The following SKI variants were observed in gnomAD, a reference collection of about 807,000 sequenced individuals.
The protein encoded by SKI is SKI proto-oncogene.
A neutral mutation model predicts 59.3 loss-of-function variants in SKI; 23 were observed. That is an observed-to-expected ratio of 0.39 (90% CI 0.28 to 0.55). The LOEUF (loss-of-function observed/expected upper bound fraction) is 0.55, where lower values mean the gene tolerates loss of function less well. Among genes scored for constraint, SKI ranks in the 20% least tolerant of loss-of-function variants. SKI has a pLI of 0.67. For synonymous variants in SKI, 673 were observed against 488.6 expected, an observed-to-expected ratio of 1.38 and a Z score of -4.98; for missense variants, 1,017 against 1,038.9, an observed-to-expected ratio of 0.98 and a Z score of 0.29.
intron 1 of SKI, chr1:2,248,207 G>T (rs1639041038): frequency 6.6e-6 from 1 of 152,310 alleles, no homozygotes; most frequent in Admixed American, 6.5e-5. Flanking sequence ...GAGCTCCTAG[G>T]TTCTGCTTTG....
intron 1 of SKI, among the ~76,000 whole-genome samples, chr1:2,263,573 G>A (rs541205125): frequency 2.6e-5 from 4 of 151,968 alleles, no homozygotes; most frequent in Non-Finnish European, 5.9e-5. Context: ...GGATGTTGGT[G>A]TGTGTTTTTT....
At chr1:2,289,682 C>G (rs1640121386) in intron 1 of SKI, among the ~76,000 whole-genome samples, 3 of 152,096 alleles carry the variant, frequency 2.0e-5, no homozygotes, top group Admixed American at 2.0e-4. Flanking sequence ...CTCCCCTCCC[C>G]CGAGCCCACC....
chr1:2,274,568 T>G (rs1240475529), intron 1 of SKI, among the ~76,000 whole-genome samples: 1 of 152,260 alleles, frequency 6.6e-6, no homozygotes, highest in African/African-American at 2.4e-5. Context: ...TGTCCACTCC[T>G]GCCCCATGGC....
intron 1 of SKI, among the ~76,000 whole-genome samples, chr1:2,246,206 T>A (rs1638991347): frequency 6.6e-6 from 1 of 152,224 alleles, no homozygotes. Context: ...GCACTTGTTC[T>A]GTTTTTTGAC....
At chr1:2,242,457 C>A (rs1638900762) in intron 1 of SKI, among the ~76,000 whole-genome samples, 1 of 152,182 alleles carries the variant, frequency 6.6e-6, no homozygotes, top group African/African-American at 2.4e-5. Context: ...CCCCTTCTGG[C>A]CCCGCAGGGG....
At chr1:2,259,187 C>T (rs1006231347) in intron 1 of SKI, among the ~76,000 whole-genome samples, 7 of 152,300 alleles carry the variant, frequency 4.6e-5, no homozygotes, top group Middle Eastern at 3.4e-3. Context: ...ATGGCCACGC[C>T]CCACCGCCCT....
Position 2,309,310 on chromosome 1 carries a change from T to C in SKI, c.*2545T>C, listed in dbSNP as rs1640683862. On this transcript the variant is annotated 3_prime_UTR_variant, in exon 7 of 7. Transcript: ENST00000378536. Reference sequence around the variant, plus strand: ...TAAGTGATTGTGTATTCAGTTTAATTCTCATTATATTTCTATACTGAAAGA... The same window carrying C: ...TAAGTGATTGTGTATTCAGTTTAATCCTCATTATATTTCTATACTGAAAGA... 1 of 152,180 alleles carries C rather than the reference T, an allele frequency of 6.6e-6. No individual in the cohort carries two copies. Among genetic ancestry groups the C allele is most frequent in the South Asian group, 2.1e-4 (1 of 4,836 alleles). The allele number at this position is 152,180 out of a possible 1,614,324, so 9.4% of individuals were successfully genotyped here.
In SKI at chr1:2,303,704, C is replaced by A. The variant is rs988762945; in HGVS notation, c.1212-136C>A. Reference sequence around the variant, plus strand: ...AAAACGCTTACGGGTTCTTAGGGAACTGTAAGCTTGACTTGAAGATTCGGA... The same window carrying A: ...AAAACGCTTACGGGTTCTTAGGGAAATGTAAGCTTGACTTGAAGATTCGGA... On this transcript the variant is annotated intron_variant, in intron 3 of 6. Transcript: ENST00000378536. This position sits in a 1 kb window ranked among gnomAD's most constrained non-coding sequence, Gnocchi z 5.6. The A allele has an allele frequency of 1.8e-5, 23 of 1,248,616 alleles. No individual in the cohort carries two copies. In the African/African-American group the frequency reaches 2.7e-4, roughly 15 times the overall value. The allele number at this position is 1,248,616 out of a possible 1,614,324, so 77.3% of individuals were successfully genotyped here. A position where few individuals can be genotyped will look rare whatever the true frequency, so the allele number is the denominator to read the frequency against.
Position 2,262,897 on chromosome 1 carries a change from G to T in SKI, c.969+33162G>T, listed in dbSNP as rs527587396. 1.7e-4 allele frequency among the ~76,000 whole-genome samples: 25 copies of T among 150,764 alleles called. No homozygotes were observed. In the South Asian group the frequency reaches 5.0e-3, roughly 30 times the overall value. On this transcript the variant is annotated intron_variant, in intron 1 of 6. Coordinates refer to ENST00000378536, the MANE Select transcript of SKI (RefSeq NM_003036.4). Reference sequence around the variant, plus strand: ...ATTATTTTAGAATATTGTTGAATTTGTTTTTTTTTGTTTTTGTTTTTGAGA... The same window carrying T: ...ATTATTTTAGAATATTGTTGAATTTTTTTTTTTTTGTTTTTGTTTTTGAGA...
intron 1 of SKI, among the ~76,000 whole-genome samples, chr1:2,260,385 C>G (rs185046815): frequency 2.0e-5 from 3 of 152,098 alleles, no homozygotes; most frequent in Non-Finnish European, 2.9e-5. Flanking sequence ...CTCGTGAGAT[C>G]TTTACGTATT....
At chr1:2,300,241 C>T (rs548707662) in intron 1 of SKI, among the ~76,000 whole-genome samples, 2 of 152,250 alleles carry the variant, frequency 1.3e-5, no homozygotes, top group Admixed American at 6.5e-5. Flanking sequence ...GTCTGGCCTC[C>T]GCTGTGTAAG....
At position 2,308,585 on chromosome 1, in the gene SKI, G is replaced by C. The variant is rs1477129935; in HGVS notation, c.*1820G>C. Reference sequence around the variant, plus strand: ...TGCAACATGCAGAATGCTGTTTTTAGCCTTGTTTTACCAGAGTTGTTTTTT... The same window carrying C: ...TGCAACATGCAGAATGCTGTTTTTACCCTTGTTTTACCAGAGTTGTTTTTT... On this transcript the variant is annotated 3_prime_UTR_variant, in exon 7 of 7. Transcript: ENST00000378536. 1.3e-5 allele frequency: 2 copies of C among 152,206 alleles called. No homozygotes were observed. Among genetic ancestry groups the C allele is most frequent in the Non-Finnish European group, 2.9e-5 (2 of 68,008 alleles). The allele number at this position is 152,206 out of a possible 1,614,324, so 9.4% of individuals were successfully genotyped here. A position where few individuals can be genotyped will look rare whatever the true frequency, so the allele number is the denominator to read the frequency against.
chr1:2,249,710 C>A (rs1481194961), intron 1 of SKI, among the ~76,000 whole-genome samples: 1 of 152,250 alleles, frequency 6.6e-6, no homozygotes, highest in Non-Finnish European at 1.5e-5. Context: ...AACCGACTCA[C>A]TGGCCGCGGC....
Position 2,306,793 on chromosome 1 carries a change from C to G in SKI, c.*28C>G. Reference sequence around the variant, plus strand: ...TCCGTGCCTGCCGCCGCAGCGCCGCCGACAACGCGGGTGCAGGGGGGCGCG... The same window carrying G: ...TCCGTGCCTGCCGCCGCAGCGCCGCGGACAACGCGGGTGCAGGGGGGCGCG... On this transcript the variant is annotated 3_prime_UTR_variant, in exon 7 of 7. Coordinates refer to ENST00000378536, the MANE Select transcript of SKI (RefSeq NM_003036.4). 2.0e-6 allele frequency: 3 copies of G among 1,467,256 alleles called. No homozygotes were observed. The highest frequency in any genetic ancestry group is 2.7e-6 in the Non-Finnish European group (3 of 1,112,024). The allele number at this position is 1,467,256 out of a possible 1,614,324, so 90.9% of individuals were successfully genotyped here.
At chr1:2,300,826 C>A (rs185941807) in intron 1 of SKI, among the ~76,000 whole-genome samples, 2 of 152,118 alleles carry the variant, frequency 1.3e-5, no homozygotes, top group African/African-American at 4.8e-5. Flanking sequence ...AGCCCATCTG[C>A]CTCAACCCTC....
chr1:2,228,718 G>A lies in SKI; in HGVS notation c.-49G>A, dbSNP rs866291734. ...CGCGGGGCGGCGGCGGGGGCCGGGGGGGCCCGGGCGCGCGGGAGCGGGAGC... is the reference window on the plus strand; with the variant it reads ...CGCGGGGCGGCGGCGGGGGCCGGGGAGGCCCGGGCGCGCGGGAGCGGGAGC... On this transcript the variant is annotated 5_prime_UTR_variant, in exon 1 of 7. Transcript: ENST00000378536. 4.0e-6 allele frequency: 4 copies of A among 1,001,424 alleles called. No homozygotes were observed. The highest frequency in any genetic ancestry group is 9.0e-5 in the South Asian group (2 of 22,108). 62.0% of individuals were successfully genotyped at this position (1,001,424 alleles called of 1,614,324 possible).
intron 1 of SKI, among the ~76,000 whole-genome samples, chr1:2,243,959 T>C (rs1638933674): frequency 6.6e-6 from 1 of 151,734 alleles, no homozygotes; most frequent in Non-Finnish European, 1.5e-5. Flanking sequence ...CCCAAACTTT[T>C]CTTTCTTTCT....
At chr1:2,263,278 C>T (rs1639427200) in intron 1 of SKI, among the ~76,000 whole-genome samples, 1 of 149,852 alleles carries the variant, frequency 6.7e-6, no homozygotes, top group Non-Finnish European at 1.5e-5. Flanking sequence ...TGCTCTGTCG[C>T]CCAGGCTGGA....
rs1367933349 is a variant in SKI, at chr1:2,309,329, TGAAA to T, written c.*2568_*2571del. On this transcript the variant is annotated 3_prime_UTR_variant, in exon 7 of 7. Transcript: ENST00000378536. ...TTTAATTCTCATTATATTTCTATACTGAAAGAAGATTTTTAACGAAGGGAAAAAC... is the reference window on the plus strand; with the variant it reads ...TTTAATTCTCATTATATTTCTATACTGAAGATTTTTAACGAAGGGAAAAAC... The T allele has an allele frequency of 6.6e-6, 1 of 152,130 alleles. No individual in the cohort carries two copies. The highest frequency in any genetic ancestry group is 1.5e-5 in the Non-Finnish European group (1 of 68,034). The allele number at this position is 152,130 out of a possible 1,614,324, so 9.4% of individuals were successfully genotyped here.
Sources: gnomAD v4.1 joint callset for allele counts (sites outside exome capture counted in the v4.1 genomes callset) on GRCh38, gnomAD v4.1.1 for gene constraint, Gnocchi (gnomAD v3.1) non-coding constraint, MANE v1.5 for transcripts, NCBI Gene and HGNC (gene_info 2026-07-23, HGNC 2026-07-21) for gene names.